Variants in EPM2A observed in about 807,000 individuals in gnomAD.
EPM2A encodes the protein EPM2A glucan phosphatase, laforin.
EPM2A carries 21 observed loss-of-function variants against 26.5 expected under a neutral mutation model. That is an observed-to-expected ratio of 0.79 (90% confidence interval 0.56 to 1.14). The LOEUF is 1.14. Ranked by LOEUF, EPM2A falls within the 50% of genes most tolerant of loss-of-function variation. The probability of loss-of-function intolerance (pLI) is 0.00; values close to 1 mark genes in which losing one functional copy is unlikely to be tolerated. For synonymous variants in EPM2A, 217 were observed against 177.6 expected (o/e 1.22, Z -1.76); for missense variants, 458 against 440.8 (o/e 1.04, Z -0.35).
chr6:145,415,816 C>A (rs962300649), intron 4 of EPM2A, among the ~76,000 whole-genome samples: 1 of 152,216 alleles, frequency 6.6e-6, no homozygotes, highest in Non-Finnish European at 1.5e-5. Flanking sequence ...CCAGAGAGAA[C>A]TGCATCCCCC....
At chr6:145,575,991 ACG>A (rs1292321016) in intron 2 of EPM2A, among the ~76,000 whole-genome samples, 2 of 152,192 alleles carry the variant, frequency 1.3e-5, no homozygotes, top group African/African-American at 2.4e-5. Flanking sequence ...ATGTGCCACC[ACG>A]CCTGGCTAAT....
chr6:145,490,636 C>A, intron 4 of EPM2A: 1 of 641,706 alleles, frequency 1.6e-6, no homozygotes. Flanking sequence ...CCTTTCATTG[C>A]ATATTTCACA....
intron 4 of EPM2A, among the ~76,000 whole-genome samples, chr6:145,461,566 G>A (rs1779329419): frequency 6.6e-6 from 1 of 152,144 alleles, no homozygotes; most frequent in Non-Finnish European, 1.5e-5. Flanking sequence ...AATACCATAT[G>A]TTGTGTACGG....
At chr6:145,645,392 G>A (rs1300293550) in intron 2 of EPM2A, among the ~76,000 whole-genome samples, 1 of 151,990 alleles carries the variant, frequency 6.6e-6, no homozygotes, top group East Asian at 1.9e-4. Context: ...CTGTAGCCTC[G>A]AATTCCTGGG....
chr6:145,681,671 T>A (rs1780548448), intron 2 of EPM2A, among the ~76,000 whole-genome samples: 1 of 151,952 alleles, frequency 6.6e-6, no homozygotes, highest in Non-Finnish European at 1.5e-5. Context: ...ATTGCTTGTT[T>A]TTCTCAGGTT....
At chr6:145,662,866 G>C (rs1369004386) in intron 2 of EPM2A, among the ~76,000 whole-genome samples, 1 of 152,044 alleles carries the variant, frequency 6.6e-6, no homozygotes, top group African/African-American at 2.4e-5. Flanking sequence ...TTTTACAGGT[G>C]GTCTAGGAGG....
chr6:145,452,083 G>A (rs1220130252), intron 4 of EPM2A, among the ~76,000 whole-genome samples: 1 of 152,086 alleles, frequency 6.6e-6, no homozygotes, highest in Non-Finnish European at 1.5e-5. Flanking sequence ...TTACACCCTG[G>A]CTCTCTTAAC....
At chr6:145,482,421 A>T (rs1417413739) in intron 4 of EPM2A, among the ~76,000 whole-genome samples, 1 of 152,094 alleles carries the variant, frequency 6.6e-6, no homozygotes, top group Admixed American at 6.6e-5. Context: ...TTTTTGCTTG[A>T]TCTACTTTTT....
At chr6:145,624,873 T>G (rs1442936289), downstream of EPM2A, among the ~76,000 whole-genome samples, 1 of 152,194 alleles carries the variant, frequency 6.6e-6, no homozygotes, top group Non-Finnish European at 1.5e-5. Context: ...GAGTGTTTTG[T>G]GTTGTGTTTT....
intron 4 of EPM2A, among the ~76,000 whole-genome samples, chr6:145,430,240 T>A (rs1371049357): frequency 6.6e-6 from 1 of 151,388 alleles, no homozygotes; most frequent in Non-Finnish European, 1.5e-5. Context: ...ACAAAAGAAA[T>A]AAATAATCCC....
At chr6:145,655,849 G>A (rs1305809792) in intron 2 of EPM2A, among the ~76,000 whole-genome samples, 1 of 152,168 alleles carries the variant, frequency 6.6e-6, no homozygotes, top group African/African-American at 2.4e-5. Context: ...ATAAATACAT[G>A]AATGTGTGAC....
rs546583525 is a variant in EPM2A, at chr6:145,626,899, T to G, written c.*517A>C. On this transcript the variant is annotated 3_prime_UTR_variant, in exon 4 of 4. Coordinates refer to ENST00000367519, the MANE Select transcript of EPM2A (RefSeq NM_005670.4). ...GTGAGGCAGGATAAAAAACAAGTCC[T>G]GAAAGCCATCACTTTTTGACCATAG... The G allele has an allele frequency of 1.7e-5, 17 of 997,754 alleles. No individual in the cohort carries two copies. Among genetic ancestry groups the G allele is most frequent in the Middle Eastern group, 5.1e-4 (1 of 1,952 alleles). The allele number at this position is 997,754 out of a possible 1,614,324, so 61.8% of individuals were successfully genotyped here.
At chr6:145,680,321 T>C (rs969910113) in intron 2 of EPM2A, among the ~76,000 whole-genome samples, 4 of 141,368 alleles carry the variant, frequency 2.8e-5, no homozygotes, top group African/African-American at 5.1e-5. Flanking sequence ...AATCATAACA[T>C]GGAATGGGTG....
At chr6:145,623,157 T>C (rs911366529), downstream of EPM2A, among the ~76,000 whole-genome samples, 5 of 148,122 alleles carry the variant, frequency 3.4e-5, no homozygotes, top group African/African-American at 8.0e-5. Flanking sequence ...TCCAGGTACA[T>C]CACCGAACAA....
At chr6:145,679,930 T>A (rs2128608107) in intron 2 of EPM2A, among the ~76,000 whole-genome samples, 1 of 152,070 alleles carries the variant, frequency 6.6e-6, no homozygotes, top group African/African-American at 2.4e-5. Context: ...AAATAACGCA[T>A]TACTATATTG....
intron 4 of EPM2A, among the ~76,000 whole-genome samples, chr6:145,432,246 T>C (rs577085532): frequency 6.6e-6 from 1 of 152,352 alleles, no homozygotes; most frequent in East Asian, 1.9e-4. Context: ...ATGTTCTTAA[T>C]GGCATCTAGA....
chr6:145,395,122 T>A (rs1451878360), intron 4 of EPM2A, among the ~76,000 whole-genome samples: 2 of 151,768 alleles, frequency 1.3e-5, no homozygotes, highest in Non-Finnish European at 2.9e-5. Flanking sequence ...CATTTTTTCC[T>A]CCCCTCTCTC....
chr6:145,614,374 C>T (rs4895678), intron 2 of EPM2A, among the ~76,000 whole-genome samples: 92,739 of 152,088 alleles, frequency 0.61, 30,855 homozygotes, highest in African/African-American at 0.9. Flanking sequence ...ACTGTTTTGC[C>T]TTCTTACTAT....
chr6:145,522,247 T>C (rs1293917816), intron 2 of EPM2A, among the ~76,000 whole-genome samples: 1 of 152,138 alleles, frequency 6.6e-6, no homozygotes, highest in African/African-American at 2.4e-5. Context: ...CCACCGCGCC[T>C]GGCCAAGTAT....
Sources: allele counts gnomAD v4.1 joint callset (sites outside exome capture counted in the v4.1 genomes callset), GRCh38; gene constraint gnomAD v4.1.1; transcripts MANE v1.5; gene names NCBI Gene and HGNC (gene_info 2026-07-23, HGNC 2026-07-21).